IGSF3: variants seen among roughly 807,000 people sequenced by gnomAD.
The protein encoded by IGSF3 is glu-Trp-Ile EWI motif-containing protein 3.
A neutral mutation model predicts 114.4 loss-of-function variants in IGSF3; 23 were observed. The ratio of observed to expected loss-of-function variants is 0.20; its 90% CI spans 0.14 to 0.28. The LOEUF is 0.28. Ranked by LOEUF, IGSF3 falls within the 10% of genes least tolerant of loss-of-function variation. The probability of loss-of-function intolerance (pLI) is 1.00; values close to 1 mark genes in which losing one functional copy is unlikely to be tolerated. For synonymous variants in IGSF3, 571 were observed against 645.2 expected, an observed-to-expected ratio of 0.88 and a Z score of 1.74; for missense variants, 1,172 against 1,591.5, an observed-to-expected ratio of 0.74 and a Z score of 4.48.
chr1:116,590,071 G>A (rs1557859790), intron 7 of IGSF3, among the ~76,000 whole-genome samples: 1 of 152,154 alleles, frequency 6.6e-6, no homozygotes, highest in African/African-American at 2.4e-5. Flanking sequence ...GGCGGGGGGA[G>A]AGGGGGCTTC....
chr1:116,600,098 G>A lies in IGSF3; in HGVS notation c.1872C>T (p.Ser624=), dbSNP rs1445138029. The A allele has an allele frequency of 6.2e-7, 1 of 1,614,184 alleles. No homozygotes were observed. The highest frequency in any genetic ancestry group is 1.7e-5 in the Admixed American group (1 of 60,022). Reference sequence around the variant, plus strand: ...TGATGCTTAGGCGGACGTTGTTGCTGGACTCAGCCTTCTCGATGGCAGTTC... The same window carrying A: ...TGATGCTTAGGCGGACGTTGTTGCTAGACTCAGCCTTCTCGATGGCAGTTC... ...RTRTAIEKAE[S]SNNVRLSISR... Residue 624 remains serine (S), a synonymous_variant, in exon 7 of 11, where the codon TCC becomes TCT. Transcript: ENST00000369486. This position sits in a 1 kb window ranked among gnomAD's most constrained non-coding sequence, Gnocchi z 5.5.
In IGSF3 at chr1:116,665,432, C is replaced by A. The variant is rs946000248; in HGVS notation, c.43+852G>T. 6.6e-6 allele frequency among the ~76,000 whole-genome samples: 1 copy of A among 152,146 alleles called. No homozygotes were observed. Among genetic ancestry groups the A allele is most frequent in the Non-Finnish European group, 1.5e-5 (1 of 68,024 alleles). ...GAAAGAGAATGGCACCAAATCCTGG[C>A]AATGAAGTTTATCCTAGACCTGAGA... On this transcript the variant is annotated intron_variant, in intron 2 of 10. Transcript: ENST00000369486. The surrounding 1 kb of genome is among the most constrained non-coding windows in gnomAD (Gnocchi z 4.0).
Position 116,582,728 on chromosome 1 carries a change from A to G in IGSF3, c.2848+1917T>C, listed in dbSNP as rs1659654278. Among the ~76,000 whole-genome samples, 1 of 152,220 alleles carries G rather than the reference A, an allele frequency of 6.6e-6. No individual in the cohort carries two copies. The highest frequency in any genetic ancestry group is 1.5e-5 in the Non-Finnish European group (1 of 68,042). ...TGAGTGGGAAAAAAGATCACATAAA[A>G]CAGTAAGATCCTGAGTTTGTTTACA... On this transcript the variant is annotated intron_variant, in intron 9 of 10. Coordinates refer to ENST00000369486, the MANE Select transcript of IGSF3 (RefSeq NM_001007237.3). This position sits in a 1 kb window ranked among gnomAD's most constrained non-coding sequence, Gnocchi z 4.7.
Position 116,596,005 on chromosome 1 carries a change from T to G in IGSF3, c.2029+3936A>C, listed in dbSNP as rs1382010594. Among the ~76,000 whole-genome samples the G allele has an allele frequency of 2.6e-5, 4 of 152,238 alleles. No homozygotes were observed. The highest frequency in any genetic ancestry group is 7.2e-5 in the African/African-American group (3 of 41,454). On this transcript the variant is annotated intron_variant, in intron 7 of 10. Transcript: ENST00000369486. The surrounding 1 kb of genome is among the most constrained non-coding windows in gnomAD (Gnocchi z 4.1). ...GACAGTGATGGCATTCCTTGAAGATTCTGTTGGGGATATGCATATGCAACA... is the reference window on the plus strand; with the variant it reads ...GACAGTGATGGCATTCCTTGAAGATGCTGTTGGGGATATGCATATGCAACA...
intron 7 of IGSF3, among the ~76,000 whole-genome samples, chr1:116,590,984 C>T (rs1172323594): frequency 6.6e-6 from 1 of 152,046 alleles, no homozygotes; most frequent in African/African-American, 2.4e-5. Context: ...AACCCACAGA[C>T]CTTCTCACGC....
At chr1:116,645,929 C>T (rs541921433) in intron 2 of IGSF3, among the ~76,000 whole-genome samples, 9 of 152,302 alleles carry the variant, frequency 5.9e-5, no homozygotes, top group Admixed American at 2.0e-4. Context: ...GCCATGGACG[C>T]GACTGCGCTG....
At chr1:116,643,545 G>A (rs548835429) in intron 2 of IGSF3, among the ~76,000 whole-genome samples, 1 of 152,354 alleles carries the variant, frequency 6.6e-6, no homozygotes, top group East Asian at 1.9e-4. Context: ...GGTGATCTGA[G>A]GCCAGCCTGT....
chr1:116,654,872 C>T lies in IGSF3; in HGVS notation c.43+11412G>A, dbSNP rs370208193. Among the ~76,000 whole-genome samples, 4 of 152,190 alleles carry T rather than the reference C, an allele frequency of 2.6e-5. No homozygotes were observed. Among genetic ancestry groups the T allele is most frequent in the African/African-American group, 9.6e-5 (4 of 41,520 alleles). On this transcript the variant is annotated intron_variant, in intron 2 of 10. Transcript: ENST00000369486. The surrounding 1 kb of genome is among the most constrained non-coding windows in gnomAD (Gnocchi z 4.4). ...TTTGCCCTTTAGCCTCCTCAGAGCC[C>T]CCTCCCTTCTCCTCGCTCTCCCCTT...
chr1:116,630,748 G>A (rs1029476430), intron 2 of IGSF3, among the ~76,000 whole-genome samples: 2 of 152,214 alleles, frequency 1.3e-5, no homozygotes, highest in Non-Finnish European at 2.9e-5. Context: ...TTCCATGGGC[G>A]TCAGGAAAGG....
At position 116,656,338 on chromosome 1, in the gene IGSF3, T is replaced by C. The variant is rs1233929215; in HGVS notation, c.43+9946A>G. ...TTTTTTTTGACGGAGTCTCACTCTG[T>C]TGCCCAGGCTGGAGTGCAGTGGCGC... On this transcript the variant is annotated intron_variant, in intron 2 of 10. Coordinates refer to ENST00000369486, the MANE Select transcript of IGSF3 (RefSeq NM_001007237.3). Among the ~76,000 whole-genome samples, 7 of 146,106 alleles carry C rather than the reference T, an allele frequency of 4.8e-5. No homozygotes were observed. In the East Asian group the frequency reaches 1.4e-3, roughly 29 times the overall value.
chr1:116,641,925 T>C (rs908871525), intron 2 of IGSF3, among the ~76,000 whole-genome samples: 4 of 151,910 alleles, frequency 2.6e-5, no homozygotes, highest in Non-Finnish European at 5.9e-5. Flanking sequence ...AATAGCTCAC[T>C]GCAGCTTCAA....
chr1:116,592,974 G>A lies in IGSF3; in HGVS notation c.2030-3870C>T, dbSNP rs768982295. Among the ~76,000 whole-genome samples, 22 of 152,138 alleles carry A rather than the reference G, an allele frequency of 1.4e-4. No individual in the cohort carries two copies. Among genetic ancestry groups the A allele is most frequent in the African/African-American group, 5.1e-4 (21 of 41,436 alleles). ...GCAGAGAAGGAGAATCAAAGGGCAC[G>A]CCAGAGAGAGGGGACAAGAGGAAAA... is the stretch of plus-strand genomic sequence containing the variant. On this transcript the variant is annotated intron_variant, in intron 7 of 10. Coordinates refer to ENST00000369486, the MANE Select transcript of IGSF3 (RefSeq NM_001007237.3). This position sits in a 1 kb window ranked among gnomAD's most constrained non-coding sequence, Gnocchi z 4.5.
intron 5 of IGSF3, chr1:116,606,458 C>G (rs763178203): frequency 6.2e-7 from 1 of 1,612,206 alleles, no homozygotes; most frequent in Admixed American, 1.7e-5. Context: ...TCACCATTAC[C>G]GATGTGATTG....
chr1:116,579,918 A>C lies in IGSF3; in HGVS notation c.2849-41T>G. On this transcript the variant is annotated intron_variant, in intron 9 of 10. Transcript: ENST00000369486. This position sits in a 1 kb window ranked among gnomAD's most constrained non-coding sequence, Gnocchi z 6.4. ...GGACAAACAGGGAAGGGGTTGTTTAAATTTATTTGCTCAAAATAAACTAAA... is the reference window on the plus strand; with the variant it reads ...GGACAAACAGGGAAGGGGTTGTTTACATTTATTTGCTCAAAATAAACTAAA... 1 of 1,524,716 alleles carries C rather than the reference A, an allele frequency of 6.6e-7. No homozygotes were observed. Among genetic ancestry groups the C allele is most frequent in the Non-Finnish European group, 8.8e-7 (1 of 1,138,710 alleles). The allele number at this position is 1,524,716 out of a possible 1,614,324, so 94.4% of individuals were successfully genotyped here.
intron 2 of IGSF3, among the ~76,000 whole-genome samples, chr1:116,630,681 G>A (rs1647533646): frequency 6.6e-6 from 1 of 152,238 alleles, no homozygotes. Context: ...GGCAGAGATA[G>A]ATAAGTAAAC....
In IGSF3 at chr1:116,649,359, T is replaced by C. The variant is rs551228074; in HGVS notation, c.43+16925A>G. Among the ~76,000 whole-genome samples, 1 of 152,280 alleles carries C rather than the reference T, an allele frequency of 6.6e-6. No individual in the cohort carries two copies. Among genetic ancestry groups the C allele is most frequent in the African/African-American group, 2.4e-5 (1 of 41,552 alleles). On this transcript the variant is annotated intron_variant, in intron 2 of 10. Coordinates refer to ENST00000369486, the MANE Select transcript of IGSF3 (RefSeq NM_001007237.3). This position sits in a 1 kb window ranked among gnomAD's most constrained non-coding sequence, Gnocchi z 4.5. ...CTGGAGTATGTGCATGTCTAGTGAGTTGCCTCTACCACATCCTCTTAACCC... is the reference window on the plus strand; with the variant it reads ...CTGGAGTATGTGCATGTCTAGTGAGCTGCCTCTACCACATCCTCTTAACCC...
chr1:116,665,813 T>C lies in IGSF3; in HGVS notation c.43+471A>G, dbSNP rs1447044450. 1.3e-5 allele frequency among the ~76,000 whole-genome samples: 2 copies of C among 152,020 alleles called. No homozygotes were observed. ...AGGCAAAGCATCCCTTCAACCCCCA[T>C]CCCACTTACTCCCATTTCCACCTCA... On this transcript the variant is annotated intron_variant, in intron 2 of 10. Transcript: ENST00000369486. The surrounding 1 kb of genome is among the most constrained non-coding windows in gnomAD (Gnocchi z 4.0).
At position 116,644,683 on chromosome 1, in the gene IGSF3, G is replaced by C. The variant is rs536728822; in HGVS notation, c.43+21601C>G. ...GGCAGCAAAGGAGGGTGTGTGTGGC[G>C]ATCAGCCATCAGAGGAGGCGGCCCT... On this transcript the variant is annotated intron_variant, in intron 2 of 10. Coordinates refer to ENST00000369486, the MANE Select transcript of IGSF3 (RefSeq NM_001007237.3). The surrounding 1 kb of genome is among the most constrained non-coding windows in gnomAD (Gnocchi z 5.6). Among the ~76,000 whole-genome samples, 1 of 152,158 alleles carries C rather than the reference G, an allele frequency of 6.6e-6. No homozygotes were observed. The highest frequency in any genetic ancestry group is 1.5e-5 in the Non-Finnish European group (1 of 68,036).
intron 2 of IGSF3, among the ~76,000 whole-genome samples, chr1:116,622,812 G>T (rs1661463081): frequency 6.6e-6 from 1 of 152,224 alleles, no homozygotes; most frequent in Non-Finnish European, 1.5e-5. Flanking sequence ...CACAGAATGT[G>T]ACTAAGAGTT....
Sources: gnomAD v4.1 joint callset for allele counts (sites outside exome capture counted in the v4.1 genomes callset) on GRCh38, gnomAD v4.1.1 for gene constraint, Gnocchi (gnomAD v3.1) non-coding constraint, MANE v1.5 for transcripts, NCBI Gene and HGNC (gene_info 2026-07-23, HGNC 2026-07-21) for gene names.